The following CPA5 variants were observed in gnomAD, a reference collection of about 807,000 sequenced individuals.
CPA5 encodes the protein carboxypeptidase A5, also known as testicular tissue protein Li 32.
Under a neutral mutation model 52.2 loss-of-function variants are expected in CPA5, and 38 were observed. The ratio of observed to expected loss-of-function variants is 0.73; its 90% CI spans 0.56 to 0.95. The LOEUF is 0.95. Among genes scored for constraint, CPA5 ranks in the 40% least tolerant of loss-of-function variants. The pLI is 0.00. For synonymous variants in CPA5, 198 were observed against 213.7 expected (o/e 0.93, Z 0.64); for missense variants, 519 against 566.7 (o/e 0.92, Z 0.86).
intron 4 of CPA5, among the ~76,000 whole-genome samples, chr7:130,349,516 G>C (rs782809753): frequency 2.2e-4 from 34 of 152,192 alleles, no homozygotes; most frequent in Non-Finnish European, 3.8e-4. Context: ...GCACAACAGG[G>C]TGACTATTGT....
At chr7:130,355,244 C>A (rs1263344110) in intron 5 of CPA5, among the ~76,000 whole-genome samples, 3 of 152,154 alleles carry the variant, frequency 2.0e-5, no homozygotes, top group Non-Finnish European at 4.4e-5. Flanking sequence ...ATCACAGAGC[C>A]CTGGAGTCAC....
intron 5 of CPA5, among the ~76,000 whole-genome samples, chr7:130,358,617 G>A (rs1795623432): frequency 6.6e-6 from 1 of 152,174 alleles, no homozygotes; most frequent in South Asian, 2.1e-4. Context: ...TCGCGTTAAT[G>A]AGGATGCTTT....
chr7:130,370,210 C>T (rs1389920042), downstream of CPA5, among the ~76,000 whole-genome samples: 1 of 152,218 alleles, frequency 6.6e-6, no homozygotes, highest in Non-Finnish European at 1.5e-5. Flanking sequence ...CCAGCTGTGC[C>T]ACATAGAAGC....
In CPA5 at chr7:130,368,391, T is replaced by C. The variant is rs782672164; in HGVS notation, c.1124-19T>C. ...CCTTCTTCCTTTTGTGGGGCACATT[T>C]TGGAACTTTTGTTTCTAGATGTGGC... is the stretch of plus-strand genomic sequence containing the variant. On this transcript the variant is annotated intron_variant, in intron 12 of 12. Transcript: ENST00000474905. The C allele has an allele frequency of 1.2e-6, 2 of 1,611,878 alleles. No individual in the cohort carries two copies. Among genetic ancestry groups the C allele is most frequent in the South Asian group, 2.2e-5 (2 of 90,980 alleles).
rs781830677 is a variant in CPA5, at chr7:130,368,447, C to T, written c.1161C>T (p.Asp387=). The T allele has an allele frequency of 1.9e-6, 3 of 1,614,046 alleles. No homozygotes were observed. The highest frequency in any genetic ancestry group is 2.5e-6 in the Non-Finnish European group (3 of 1,180,022). Residue 387 remains aspartate (D), a synonymous_variant, in exon 13 of 13, where the codon GAC becomes GAT. Transcript: ENST00000474905. ...GGATCACCGTCGACTGGGCCTATGA[C>T]AGTGGCATCAAGTACGCCTTCAGCT... ...ASGITVDWAY[D]SGIKYAFSFE...
At chr7:130,363,607 G>T (rs782363854) in intron 10 of CPA5, 98 bp downstream of exon 10, 9 of 1,012,178 alleles carry the variant, frequency 8.9e-6, no homozygotes, top group Non-Finnish European at 1.4e-5. Context: ...CAACTTGGGA[G>T]GCATGGGACA....
intron 8 of CPA5, 98 bp from the exon 9 acceptor site, chr7:130,362,786 T>C: frequency 1.3e-6 from 1 of 753,852 alleles, no homozygotes; most frequent in Non-Finnish European, 2.3e-6. Context: ...AGGGGTTTCA[T>C]GCCATCCCTT....
At chr7:130,366,122 A>T (rs1796069883) in intron 10 of CPA5, among the ~76,000 whole-genome samples, 1 of 152,204 alleles carries the variant, frequency 6.6e-6, no homozygotes, top group South Asian at 2.1e-4. Context: ...TGGCTGTGTA[A>T]TGAGTAACCT....
intron 5 of CPA5, among the ~76,000 whole-genome samples, chr7:130,355,053 C>A (rs949697993): frequency 2.3e-5 from 2 of 85,338 alleles, no homozygotes; most frequent in Non-Finnish European, 4.9e-5. Context: ...AGGCTGCCTG[C>A]ATCATGGGGG....
intron 11 of CPA5, 109 bp downstream of exon 11, chr7:130,367,680 G>C: frequency 8.8e-7 from 1 of 1,137,534 alleles, no homozygotes; most frequent in Non-Finnish European, 1.3e-6. Flanking sequence ...CAGGGGTCTG[G>C]GCTGATTGAC....
intron 5 of CPA5, among the ~76,000 whole-genome samples, chr7:130,357,024 A>G (rs1403671882): frequency 6.6e-6 from 1 of 152,226 alleles, no homozygotes; most frequent in Non-Finnish European, 1.5e-5. Context: ...AGTGTTTGTG[A>G]AGGGCCAGAG....
At position 130,345,888 on chromosome 7, in the gene CPA5, C is replaced by A. The variant is rs1554401998; in HGVS notation, c.-102C>A. 6.6e-6 allele frequency: 1 copy of A among 152,200 alleles called. No individual in the cohort carries two copies. The highest frequency in any genetic ancestry group is 2.4e-5 in the African/African-American group (1 of 41,452). 9.4% of individuals were successfully genotyped at this position (152,200 alleles called of 1,614,324 possible). On this transcript the variant is annotated 5_prime_UTR_variant, in exon 2 of 13. Transcript: ENST00000474905. Reference sequence around the variant, plus strand: ...GTTGTCTCATCTATACCCCTTCAAACCCTGTGAGGTAGGGAGGGGAGGTAT... The same window carrying A: ...GTTGTCTCATCTATACCCCTTCAAAACCTGTGAGGTAGGGAGGGGAGGTAT...
chr7:130,359,500 T>C (rs1795673375), intron 5 of CPA5, 89 bp from the exon 6 acceptor site: 4 of 870,486 alleles, frequency 4.6e-6, no homozygotes, highest in Non-Finnish European at 7.4e-6. Context: ...CTGCTGTCTT[T>C]ATGCACAGCC....
Position 130,362,522 on chromosome 7 carries a change from A to T in CPA5, c.619A>T (p.Ile207Phe), listed in dbSNP as rs374510163. 2 of 1,613,182 alleles carry T rather than the reference A, an allele frequency of 1.2e-6. No homozygotes were observed. The highest frequency in any genetic ancestry group is 2.7e-5 in the African/African-American group (2 of 74,928). ...GGAGTGGATCACCCATGCCACCGGC[A>T]TCTGGACTGCCAATAAGGTCAGCAT... ...SREWITHATGIWTANKIVSDY... is the reference protein window; with the variant it reads ...SREWITHATGFWTANKIVSDY... The change falls in exon 8 of 13, where the codon ATC becomes TTC. Residue 207 changes from isoleucine to phenylalanine, a missense_variant. Transcript: ENST00000474905.
chr7:130,372,370 C>T (rs1394501041), downstream of CPA5, among the ~76,000 whole-genome samples: 1 of 152,214 alleles, frequency 6.6e-6, no homozygotes, highest in African/African-American at 2.4e-5. Flanking sequence ...CTCTATGTGG[C>T]AGAAGTCCAC....
Position 130,363,518 on chromosome 7 carries a change from A to T in CPA5, c.838+9A>T. ...GAAGTCGGGTTTTGGAGGTATGGCA[A>T]CCTGCTGTCCTGGGGCAGGGTTGGA... is the stretch of plus-strand genomic sequence containing the variant. On this transcript the variant is annotated intron_variant, in intron 10 of 12. Coordinates refer to ENST00000474905, the MANE Select transcript of CPA5 (RefSeq NM_080385.5). 1 of 1,574,640 alleles carries T rather than the reference A, an allele frequency of 6.4e-7. No homozygotes were observed. The highest frequency in any genetic ancestry group is 8.6e-7 in the Non-Finnish European group (1 of 1,158,692).
At chr7:130,372,746 T>C (rs990321361), downstream of CPA5, among the ~76,000 whole-genome samples, 20 of 151,940 alleles carry the variant, frequency 1.3e-4, no homozygotes, top group African/African-American at 3.9e-4. Context: ...CCAATGAAAA[T>C]TGGAGTTCTG....
chr7:130,353,099 A>AAAT (rs1227240663), intron 5 of CPA5, among the ~76,000 whole-genome samples: 1 of 152,022 alleles, frequency 6.6e-6, no homozygotes, highest in African/African-American at 2.4e-5. Context: ...ATCACCATGC[A>AAAT]AATACAGTTA....
chr7:130,371,204 G>T (rs1032593026), downstream of CPA5, among the ~76,000 whole-genome samples: 1 of 152,234 alleles, frequency 6.6e-6, no homozygotes, highest in Admixed American at 6.5e-5. Context: ...TTCCCAAGCC[G>T]AAATAAACTC....
Sources: gnomAD v4.1 joint callset for allele counts (sites outside exome capture counted in the v4.1 genomes callset) on GRCh38, gnomAD v4.1.1 for gene constraint, MANE v1.5 for transcripts, NCBI Gene and HGNC (gene_info 2026-07-23, HGNC 2026-07-21) for gene names.